The following TAFA2 variants were observed in gnomAD, a reference collection of about 807,000 sequenced individuals.
TAFA2 encodes the protein TAFA chemokine like family member 2, also known as chemokine-like protein TAFA-2.
A neutral mutation model predicts 18.8 loss-of-function variants in TAFA2; 7 were observed. The observed-to-expected ratio is 0.37, with a 90% CI of 0.21 to 0.70. TAFA2 has a LOEUF of 0.70. Among genes scored for constraint, TAFA2 ranks in the 30% least tolerant of loss-of-function variants. TAFA2 has a pLI of 0.53. For missense variants in TAFA2, 122 were observed against 158.1 expected (o/e 0.77, Z 1.23); for synonymous variants, 60 against 54.2 (o/e 1.11, Z -0.47).
At chr12:61,950,757 A>T (rs1878437636) in intron 1 of TAFA2, among the ~76,000 whole-genome samples, 1 of 152,048 alleles carries the variant, frequency 6.6e-6, no homozygotes, top group African/African-American at 2.4e-5. Context: ...TAGCTCCACG[A>T]AGTCTAAGTC....
intron 1 of TAFA2, among the ~76,000 whole-genome samples, chr12:62,086,798 G>T (rs1280530652): frequency 6.6e-6 from 1 of 152,126 alleles, no homozygotes; most frequent in Non-Finnish European, 1.5e-5. Flanking sequence ...ATAACCAAGA[G>T]AGTTGGGAGC....
At chr12:61,841,705 T>C (rs1413173866) in intron 2 of TAFA2, among the ~76,000 whole-genome samples, 1 of 152,072 alleles carries the variant, frequency 6.6e-6, no homozygotes, top group Non-Finnish European at 1.5e-5. Flanking sequence ...TGATAGGAAT[T>C]GCATTGTATT....
chr12:61,827,361 T>C (rs547628717), intron 2 of TAFA2: 4 of 152,204 alleles, frequency 2.6e-5, no homozygotes, highest in Non-Finnish European at 4.4e-5. Context: ...GCTGAACTTA[T>C]AGCCATGTGA....
chr12:61,850,145 T>C (rs986391025), intron 2 of TAFA2, among the ~76,000 whole-genome samples: 6 of 151,790 alleles, frequency 4.0e-5, no homozygotes, highest in East Asian at 1.9e-4. Flanking sequence ...AACCAATATA[T>C]AGTATACCTG....
At chr12:62,000,030 A>T (rs1402689153) in intron 1 of TAFA2, among the ~76,000 whole-genome samples, 1 of 152,184 alleles carries the variant, frequency 6.6e-6, no homozygotes, top group African/African-American at 2.4e-5. Context: ...TCAGAGACAC[A>T]CCAAAATAAA....
At chr12:62,120,887 C>T (rs1312433969) in intron 1 of TAFA2, among the ~76,000 whole-genome samples, 3 of 151,558 alleles carry the variant, frequency 2.0e-5, no homozygotes. Flanking sequence ...TGGAGTTTCG[C>T]TCTTATTGCC....
At chr12:61,921,138 G>A (rs1460929004) in intron 1 of TAFA2, among the ~76,000 whole-genome samples, 1 of 152,194 alleles carries the variant, frequency 6.6e-6, no homozygotes, top group Admixed American at 6.5e-5. Flanking sequence ...CTTTGACTCT[G>A]AATGGCAAAG....
intron 2 of TAFA2, among the ~76,000 whole-genome samples, chr12:61,766,567 G>A (rs552067072): frequency 5.3e-5 from 8 of 152,116 alleles, no homozygotes; most frequent in East Asian, 1.9e-4. Flanking sequence ...TCTCTGTAAC[G>A]CGTGTAATTG....
intron 1 of TAFA2, among the ~76,000 whole-genome samples, chr12:62,055,650 C>T (rs1371998285): frequency 1.3e-4 from 20 of 152,090 alleles, no homozygotes; most frequent in Admixed American, 1.2e-3. Flanking sequence ...AAGATATTAG[C>T]TATCTGGTTA....
At chr12:61,740,982 C>T (rs1231199441) in intron 4 of TAFA2, among the ~76,000 whole-genome samples, 1 of 151,542 alleles carries the variant, frequency 6.6e-6, no homozygotes, top group East Asian at 1.9e-4. Context: ...TTAGTATAAG[C>T]TATATGTATT....
rs59979877 is a variant in TAFA2 at position 61,903,395 on chromosome 12, A to G, written c.-1-35969T>C. Among the ~76,000 whole-genome samples, 1,179 of 152,242 alleles carry G rather than the reference A, an allele frequency of 7.7e-3. 12 individuals are homozygous for G. The highest frequency in any genetic ancestry group is 0.027 in the African/African-American group (1,137 of 41,538). ...ATCTCTTTAGAGAGGCTTTCCAATT[A>G]TGTGTACTTCAGCACTCAATTCATT... On this transcript the variant is annotated intron_variant, in intron 1 of 4. Coordinates refer to ENST00000416284, the MANE Select transcript of TAFA2 (RefSeq NM_178539.5).
At chr12:61,851,871 C>T (rs1873681002) in intron 2 of TAFA2, among the ~76,000 whole-genome samples, 1 of 132,346 alleles carries the variant, frequency 7.6e-6, no homozygotes, top group African/African-American at 2.7e-5. Context: ...TAAAAGTTCA[C>T]TTTAGCACCT....
At chr12:62,039,568 T>C (rs906346672) in intron 1 of TAFA2, among the ~76,000 whole-genome samples, 4 of 152,150 alleles carry the variant, frequency 2.6e-5, no homozygotes, top group Admixed American at 6.6e-5. Context: ...GAGCTTAGAA[T>C]AGGACTTTTA....
At chr12:62,105,223 A>C (rs1869394844) in intron 1 of TAFA2, among the ~76,000 whole-genome samples, 1 of 152,234 alleles carries the variant, frequency 6.6e-6, no homozygotes, top group African/African-American at 2.4e-5. Context: ...CAAAAAGAAC[A>C]AAATGAAAAT....
chr12:62,019,278 G>T (rs1372127757), intron 1 of TAFA2, among the ~76,000 whole-genome samples: 3 of 151,922 alleles, frequency 2.0e-5, no homozygotes, highest in Non-Finnish European at 4.4e-5. Context: ...GATTCCTCAG[G>T]GATCTAGAAC....
At chr12:62,110,947 T>G (rs1869702673) in intron 1 of TAFA2, among the ~76,000 whole-genome samples, 1 of 152,152 alleles carries the variant, frequency 6.6e-6, no homozygotes, top group East Asian at 1.9e-4. Flanking sequence ...GCTTCTGGAT[T>G]CATTGATTTT....
At chr12:61,861,717 C>T (rs1189938771) in intron 2 of TAFA2, among the ~76,000 whole-genome samples, 1 of 152,128 alleles carries the variant, frequency 6.6e-6, no homozygotes, top group African/African-American at 2.4e-5. Context: ...GTCTCCCAGG[C>T]TTTGAACTAA....
chr12:61,730,389 T>C (rs566766965), intron 4 of TAFA2, among the ~76,000 whole-genome samples: 2 of 152,048 alleles, frequency 1.3e-5, no homozygotes, highest in Non-Finnish European at 2.9e-5. Flanking sequence ...TCAGCTGCAG[T>C]AGTACAGGGG....
intron 2 of TAFA2, among the ~76,000 whole-genome samples, chr12:61,860,592 C>CCTCTTTG (rs1225832863): frequency 4.5e-4 from 68 of 150,000 alleles, no homozygotes; most frequent in African/African-American, 1.3e-3. Context: ...GCATCACCAT[C>CCTCTTTG]CTCTTTGCTC....
Sources: gnomAD v4.1 joint callset for allele counts (sites outside exome capture counted in the v4.1 genomes callset) on GRCh38, gnomAD v4.1.1 for gene constraint, MANE v1.5 for transcripts, NCBI Gene and HGNC (gene_info 2026-07-23, HGNC 2026-07-21) for gene names.